KCNK10: variants seen among roughly 807,000 people sequenced by gnomAD.
KCNK10 encodes the protein potassium two pore domain channel subfamily K member 10.
A neutral mutation model predicts 47.7 loss-of-function variants in KCNK10; 25 were observed. The ratio of observed to expected loss-of-function variants is 0.52; its 90% CI spans 0.38 to 0.73. The LOEUF is 0.73. KCNK10 is among the 30% of genes least tolerant of loss of function. The probability of loss-of-function intolerance (pLI) is 0.00; values close to 1 mark genes in which losing one functional copy is unlikely to be tolerated. For missense variants in KCNK10, 563 were observed against 714.5 expected (o/e 0.79, Z 2.42); for synonymous variants, 303 against 285.6 (o/e 1.06, Z -0.61).
At chr14:88,219,482 G>A (rs1428608599) in intron 4 of KCNK10, among the ~76,000 whole-genome samples, 1 of 152,196 alleles carries the variant, frequency 6.6e-6, no homozygotes, top group Non-Finnish European at 1.5e-5. Flanking sequence ...AGGAGTGGGA[G>A]TAGGCTGTTT....
At chr14:88,229,488 T>C (rs1234301121) in intron 3 of KCNK10, among the ~76,000 whole-genome samples, 1 of 152,164 alleles carries the variant, frequency 6.6e-6, no homozygotes, top group Non-Finnish European at 1.5e-5. Flanking sequence ...TTATTATTAT[T>C]ATTATTATCA....
intron 1 of KCNK10, among the ~76,000 whole-genome samples, chr14:88,273,609 T>C (rs1887459396): frequency 2.0e-5 from 3 of 152,180 alleles, no homozygotes. Context: ...CCCAGGCATA[T>C]CCGACTGGAC....
rs771792739 is a variant in KCNK10 at position 88,182,994 on chromosome 14, C to T, written c.*2541G>A. 1 of 152,298 alleles carries T rather than the reference C, an allele frequency of 6.6e-6. No homozygotes were observed. The allele number at this position is 152,298 out of a possible 1,614,324, so 9.4% of individuals were successfully genotyped here. A position where few individuals can be genotyped will look rare whatever the true frequency, so the allele number is the denominator to read the frequency against. ...TGTGCCCTCTTGGTGGTGGAGATTC[C>T]ACCATATCTGCTCCCCACATCTGTA... On this transcript the variant is annotated 3_prime_UTR_variant, in exon 7 of 7. Coordinates refer to ENST00000319231, the MANE Select transcript of KCNK10 (RefSeq NM_138317.3).
intron 4 of KCNK10, among the ~76,000 whole-genome samples, chr14:88,208,947 C>A (rs999520031): frequency 2.2e-4 from 34 of 152,138 alleles, no homozygotes; most frequent in African/African-American, 7.5e-4. Context: ...AGTATCAGTT[C>A]TTTCAAGCAT....
chr14:88,212,125 T>TATATATAC, intron 4 of KCNK10, among the ~76,000 whole-genome samples: 1 of 66,924 alleles, frequency 1.5e-5, no homozygotes, highest in African/African-American at 4.6e-5. Flanking sequence ...TATATATATA[T>TATATATAC]ATATATCGAG....
intron 3 of KCNK10, among the ~76,000 whole-genome samples, chr14:88,239,937 T>C (rs1442251351): frequency 6.6e-6 from 1 of 150,462 alleles, no homozygotes; most frequent in East Asian, 1.9e-4. Context: ...AAGACAAAAA[T>C]ACAAAACTCA....
At chr14:88,268,687 G>A (rs1299831266) in intron 1 of KCNK10, among the ~76,000 whole-genome samples, 2 of 152,130 alleles carry the variant, frequency 1.3e-5, no homozygotes, top group Non-Finnish European at 2.9e-5. Context: ...AAACAGCAGT[G>A]GAGTTCTTCC....
chr14:88,285,949 T>G (rs965545021), intron 1 of KCNK10, among the ~76,000 whole-genome samples: 1 of 152,270 alleles, frequency 6.6e-6, no homozygotes, highest in East Asian at 1.9e-4. Context: ...CTATGTGACC[T>G]CCAAAGCTAA....
chr14:88,299,115 T>A (rs1405748025), intron 1 of KCNK10, among the ~76,000 whole-genome samples: 1 of 152,202 alleles, frequency 6.6e-6, no homozygotes, highest in African/African-American at 2.4e-5. Context: ...CTTATTCCAC[T>A]CTGTCTCCCA....
chr14:88,187,891 A>G (rs424752), intron 6 of KCNK10, 76 bp downstream of exon 6: 461,000 of 1,525,066 alleles, frequency 0.3, 73,140 homozygotes, highest in East Asian at 0.49. Context: ...TCCAGCCCAC[A>G]GGACAGAGAC....
At chr14:88,207,294 T>C (rs1885310814) in intron 4 of KCNK10, among the ~76,000 whole-genome samples, 1 of 149,608 alleles carries the variant, frequency 6.7e-6, no homozygotes, top group Non-Finnish European at 1.5e-5. Context: ...TGCCTCAGCC[T>C]CCCGAGCAGC....
At chr14:88,315,299 G>A (rs1411413989) in intron 1 of KCNK10, among the ~76,000 whole-genome samples, 1 of 152,180 alleles carries the variant, frequency 6.6e-6, no homozygotes, top group Non-Finnish European at 1.5e-5. Flanking sequence ...GCCCAGGTTA[G>A]TCCACAGTTA....
chr14:88,292,752 C>T (rs1005542816), intron 1 of KCNK10, among the ~76,000 whole-genome samples: 3 of 152,198 alleles, frequency 2.0e-5, no homozygotes, highest in Non-Finnish European at 4.4e-5. Flanking sequence ...TGTGCCTCAG[C>T]CTCCCGAGTA....
At chr14:88,261,351 A>T (rs985622693) in intron 2 of KCNK10, among the ~76,000 whole-genome samples, 1 of 152,188 alleles carries the variant, frequency 6.6e-6, no homozygotes, top group Non-Finnish European at 1.5e-5. Flanking sequence ...CCTACTTAAA[A>T]CTACTCCAGA....
At chr14:88,325,667 G>T (rs1392592219), upstream of KCNK10, among the ~76,000 whole-genome samples, 1 of 138,442 alleles carries the variant, frequency 7.2e-6, no homozygotes, top group South Asian at 2.3e-4. Context: ...GTCTAAATAC[G>T]ATATTTTCCA....
intron 5 of KCNK10, among the ~76,000 whole-genome samples, chr14:88,191,912 A>G (rs1398657008): frequency 1.3e-5 from 2 of 152,186 alleles, no homozygotes; most frequent in African/African-American, 4.8e-5. Context: ...TGGATTAGAG[A>G]GGTTTAATTC....
intron 4 of KCNK10, among the ~76,000 whole-genome samples, chr14:88,193,285 G>C (rs965269340): frequency 6.6e-6 from 1 of 152,090 alleles, no homozygotes; most frequent in Non-Finnish European, 1.5e-5. Context: ...GGGTCATTAA[G>C]AAAAAAGCAT....
chr14:88,305,559 G>C (rs978414516), intron 1 of KCNK10, among the ~76,000 whole-genome samples: 1 of 152,138 alleles, frequency 6.6e-6, no homozygotes. Context: ...AGAGCCATTA[G>C]CCTGCCTGAG....
chr14:88,269,656 C>A (rs1595115964), intron 1 of KCNK10, among the ~76,000 whole-genome samples: 1 of 152,142 alleles, frequency 6.6e-6, no homozygotes, highest in East Asian at 1.9e-4. Context: ...AGGCTGGTCT[C>A]AAACTCCTGT....
Sources: gnomAD v4.1 joint callset for allele counts (sites outside exome capture counted in the v4.1 genomes callset) on GRCh38, gnomAD v4.1.1 for gene constraint, MANE v1.5 for transcripts, NCBI Gene and HGNC (gene_info 2026-07-23, HGNC 2026-07-21) for gene names.